The following ME3 variants were observed in gnomAD, a reference collection of about 807,000 sequenced individuals.
ME3 encodes the protein malic enzyme 3.
A neutral mutation model predicts 68.9 loss-of-function variants in ME3; 48 were observed. The observed-to-expected ratio is 0.70, with a 90% confidence interval of 0.55 to 0.89. The LOEUF (loss-of-function observed/expected upper bound fraction) is 0.89. ME3 is among the 40% of genes least tolerant of loss of function. The probability of loss-of-function intolerance (pLI) is 0.00; values close to 1 mark genes in which losing one functional copy is unlikely to be tolerated. For missense variants in ME3, 675 were observed against 797.4 expected, an observed-to-expected ratio of 0.85 and a Z score of 1.85; for synonymous variants, 320 against 318.8, an observed-to-expected ratio of 1.00 and a Z score of -0.04.
intron 4 of ME3, among the ~76,000 whole-genome samples, chr11:86,526,139 C>T (rs912556957): frequency 3.9e-5 from 6 of 152,292 alleles, no homozygotes; most frequent in South Asian, 4.1e-4. Context: ...GGGTGACAGA[C>T]GGCACCTGGA....
At chr11:86,567,876 A>G (rs1957571913) in intron 2 of ME3, among the ~76,000 whole-genome samples, 1 of 152,224 alleles carries the variant, frequency 6.6e-6, no homozygotes, top group African/African-American at 2.4e-5. Flanking sequence ...ATATTTCTCT[A>G]CAAAAGAAAT....
intron 4 of ME3, among the ~76,000 whole-genome samples, chr11:86,537,264 T>A (rs2139318834): frequency 6.7e-6 from 1 of 149,530 alleles, no homozygotes; most frequent in African/African-American, 2.4e-5. Flanking sequence ...TGTGCACATG[T>A]ACCCTAAAAC....
At chr11:86,661,868 TATTGTATTGTATTG>T (rs1268249931) in intron 2 of ME3, among the ~76,000 whole-genome samples, 1 of 106,548 alleles carries the variant, frequency 9.4e-6, no homozygotes, top group East Asian at 2.9e-4. Context: ...TATTGTATTG[TATTGTATTGTATTG>T]TATTGACCAC....
intron 8 of ME3, among the ~76,000 whole-genome samples, chr11:86,458,363 A>G (rs1594038364): frequency 6.6e-6 from 1 of 152,202 alleles, no homozygotes; most frequent in Non-Finnish European, 1.5e-5. Context: ...TTTGTGTCAT[A>G]AGGGAATTTT....
At chr11:86,562,730 A>G (rs1235530181) in intron 2 of ME3, among the ~76,000 whole-genome samples, 2 of 151,964 alleles carry the variant, frequency 1.3e-5, no homozygotes, top group African/African-American at 2.4e-5. Flanking sequence ...ACACAGGAAT[A>G]TTGTATGATG....
At chr11:86,661,480 A>G (rs1045644898) in intron 2 of ME3, among the ~76,000 whole-genome samples, 1 of 152,252 alleles carries the variant, frequency 6.6e-6, no homozygotes, top group African/African-American at 2.4e-5. Flanking sequence ...TCATGATATT[A>G]TTTAGCTTTC....
At chr11:86,589,410 A>T (rs1001479742) in intron 2 of ME3, among the ~76,000 whole-genome samples, 3 of 152,194 alleles carry the variant, frequency 2.0e-5, no homozygotes, top group African/African-American at 7.2e-5. Context: ...TGATGAATGA[A>T]TGAATGAATA....
At chr11:86,656,077 A>G (rs1307936084) in intron 2 of ME3, among the ~76,000 whole-genome samples, 8 of 151,112 alleles carry the variant, frequency 5.3e-5, no homozygotes, top group Non-Finnish European at 4.4e-5. Flanking sequence ...TAGAATGGCA[A>G]TCATTCAAAA....
At chr11:86,667,293 CA>C (rs397972102) in intron 2 of ME3, among the ~76,000 whole-genome samples, 1 of 151,852 alleles carries the variant, frequency 6.6e-6, no homozygotes, top group Admixed American at 6.6e-5. Context: ...AATTTCGTGG[CA>C]AAAAAAATCA....
At chr11:86,516,224 T>C (rs1953890211) in intron 4 of ME3, among the ~76,000 whole-genome samples, 1 of 152,178 alleles carries the variant, frequency 6.6e-6, no homozygotes, top group Admixed American at 6.5e-5. Context: ...ATTTTGGAAC[T>C]TGAGGGATGG....
In ME3 at chr11:86,487,314, A is replaced by G. The variant is rs1157641936; in HGVS notation, c.809+23T>C. 3 of 1,597,980 alleles carry G rather than the reference A, an allele frequency of 1.9e-6. No homozygotes were observed. In the South Asian group the frequency reaches 3.3e-5, roughly 18 times the overall value. ...GCATCTCTTAAAAGTCCTCTTTCAA[A>G]AGGGACAGACTGGTCCACTTACTTG... On this transcript the variant is annotated intron_variant, in intron 7 of 14. Coordinates refer to ENST00000543262, the Ensembl canonical transcript of ME3.
At chr11:86,473,007 G>A (rs113073194) in intron 7 of ME3, among the ~76,000 whole-genome samples, 270 of 152,344 alleles carry the variant, frequency 1.8e-3, no homozygotes, top group Non-Finnish European at 3.4e-3. Flanking sequence ...TGAGGTCAGC[G>A]GAGGGGAACA....
chr11:86,548,617 G>C (rs925452312), intron 4 of ME3, among the ~76,000 whole-genome samples: 3 of 152,248 alleles, frequency 2.0e-5, no homozygotes, highest in African/African-American at 7.2e-5. Flanking sequence ...ATTTACTTTT[G>C]CATTTTCCTC....
intron 2 of ME3, among the ~76,000 whole-genome samples, chr11:86,610,555 C>T (rs1413161435): frequency 6.6e-6 from 1 of 152,164 alleles, no homozygotes; most frequent in African/African-American, 2.4e-5. Context: ...ACTTTCCATT[C>T]CAAGGCCCCT....
intron 2 of ME3, among the ~76,000 whole-genome samples, chr11:86,560,258 G>C (rs1442253533): frequency 6.6e-6 from 1 of 152,094 alleles, no homozygotes; most frequent in Non-Finnish European, 1.5e-5. Context: ...TAGTGAGTGA[G>C]TTCTCATGAG....
At chr11:86,483,482 A>G (rs1214203182) in intron 7 of ME3, among the ~76,000 whole-genome samples, 2 of 152,084 alleles carry the variant, frequency 1.3e-5, no homozygotes, top group Admixed American at 6.6e-5. Flanking sequence ...GATTTCCAAT[A>G]TGGTGTGTAT....
rs547636513 is a variant in ME3 at position 86,480,668 on chromosome 11, C to T, written c.809+6669G>A. Among the ~76,000 whole-genome samples the T allele has an allele frequency of 6.6e-5, 10 of 152,218 alleles. No homozygotes were observed. In the East Asian group the frequency reaches 7.7e-4, roughly 12 times the overall value. ...CTTGCCCACGATGTGTCTTTGGGGC[C>T]GAGGTACCCAGATGTGTGAGTGCTT... On this transcript the variant is annotated intron_variant, in intron 7 of 14. Coordinates refer to ENST00000543262, the Ensembl canonical transcript of ME3.
At chr11:86,658,437 T>C (rs1235798263) in intron 2 of ME3, among the ~76,000 whole-genome samples, 1 of 151,988 alleles carries the variant, frequency 6.6e-6, no homozygotes, top group Admixed American at 6.6e-5. Flanking sequence ...ATTTTTCCTC[T>C]GCTTGCAAAT....
intron 2 of ME3, among the ~76,000 whole-genome samples, chr11:86,629,650 G>C (rs1316478357): frequency 6.6e-6 from 1 of 152,146 alleles, no homozygotes; most frequent in Non-Finnish European, 1.5e-5. Flanking sequence ...ACTGTCTTGG[G>C]TATCTTCTGT....
Sources: gnomAD v4.1 joint callset for allele counts (sites outside exome capture counted in the v4.1 genomes callset) on GRCh38, gnomAD v4.1.1 for gene constraint, MANE v1.5 for transcripts, NCBI Gene and HGNC (gene_info 2026-07-23, HGNC 2026-07-21) for gene names.